LYN: variants seen among roughly 807,000 people sequenced by gnomAD.
LYN encodes the protein tyrosine-protein kinase Lyn.
In LYN, 12 loss-of-function variants were observed where a neutral mutation model predicts 65.0. The observed-to-expected ratio is 0.18, with a 90% CI of 0.12 to 0.30. The LOEUF (loss-of-function observed/expected upper bound fraction) is 0.30. Ranked by LOEUF, LYN falls within the 10% of genes least tolerant of loss-of-function variation. LYN has a pLI of 1.00. For missense variants in LYN, 380 were observed against 623.2 expected, an observed-to-expected ratio of 0.61 and a Z score of 4.16; for synonymous variants, 222 against 221.2, an observed-to-expected ratio of 1.00 and a Z score of -0.03.
At chr8:55,945,426 G>A (rs1806744160) in intron 2 of LYN, among the ~76,000 whole-genome samples, 2 of 152,204 alleles carry the variant, frequency 1.3e-5, no homozygotes, top group African/African-American at 4.8e-5. Flanking sequence ...ATAGTATGCA[G>A]CCATGGGTTT....
intron 1 of LYN, among the ~76,000 whole-genome samples, chr8:55,904,552 T>A (rs1382784793): frequency 6.6e-6 from 1 of 152,120 alleles, no homozygotes; most frequent in African/African-American, 2.4e-5. Context: ...CACAAAATAA[T>A]TTCTGTATGT....
chr8:55,949,352 C>A (rs1471078455), intron 4 of LYN, among the ~76,000 whole-genome samples: 2 of 152,212 alleles, frequency 1.3e-5, no homozygotes, highest in African/African-American at 4.8e-5. Context: ...CACCCCTGAT[C>A]GCAGTGATGC....
intron 1 of LYN, among the ~76,000 whole-genome samples, chr8:55,904,582 AC>A (rs1805368786): frequency 6.6e-6 from 1 of 152,084 alleles, no homozygotes; most frequent in Admixed American, 6.6e-5. Context: ...CAGATCATGC[AC>A]CTATAAAAGA....
At chr8:55,890,646 A>G (rs979851539) in intron 1 of LYN, among the ~76,000 whole-genome samples, 1 of 152,244 alleles carries the variant, frequency 6.6e-6, no homozygotes, top group African/African-American at 2.4e-5. Flanking sequence ...TCATAGTAGC[A>G]TTATTCACAA....
At chr8:55,967,359 G>A (rs920948546) in intron 9 of LYN, among the ~76,000 whole-genome samples, 2 of 143,096 alleles carry the variant, frequency 1.4e-5, no homozygotes, top group Admixed American at 7.2e-5. Context: ...CTGTTGCCCG[G>A]GCTGGAGTGC....
rs1011430857 is a variant in LYN, at chr8:56,011,270, T to C, written c.*1160T>C. ...TTCTGTTCACTAAATTTTTCTCCTG[T>C]AAGCTTTGAATGGAAACTTCTGTAT... On this transcript the variant is annotated 3_prime_UTR_variant, in exon 13 of 13. Transcript: ENST00000519728. 6.6e-5 allele frequency: 15 copies of C among 226,300 alleles called. No individual in the cohort carries two copies. The highest frequency in any genetic ancestry group is 1.3e-4 in the Non-Finnish European group (15 of 113,808). The allele number at this position is 226,300 out of a possible 1,614,324, so 14.0% of individuals were successfully genotyped here.
chr8:55,995,713 C>T (rs1486235840), intron 10 of LYN, among the ~76,000 whole-genome samples: 2 of 151,950 alleles, frequency 1.3e-5, no homozygotes, highest in African/African-American at 4.8e-5. Context: ...GAGCGTTCCA[C>T]ACAGAGGCAG....
Position 55,911,130 on chromosome 8 carries a change from CAT to C in LYN, c.-5-30723_-5-30722del, listed in dbSNP as rs1805598540. Among the ~76,000 whole-genome samples the C allele has an allele frequency of 1.1e-3, 6 of 5,222 alleles. 1 individual carries two copies. Among genetic ancestry groups the C allele is most frequent in the Admixed American group, 3.1e-3 (1 of 322 alleles). The allele number at this position is 5,222 out of a possible 152,430, so 3.4% of individuals were successfully genotyped here. A position where few individuals can be genotyped will look rare whatever the true frequency, so the allele number is the denominator to read the frequency against. On this transcript the variant is annotated intron_variant, in intron 1 of 12. Transcript: ENST00000519728. ...ACGTATATATACGTATATATATACACATACATATATATACGTGTATATATATG... is the reference window on the plus strand; with the variant it reads ...ACGTATATATACGTATATATATACACACATATATATACGTGTATATATATG...
At chr8:55,988,291 GGTGTGTGTGTGTGT>G (rs57413136) in intron 10 of LYN, among the ~76,000 whole-genome samples, 41 of 142,186 alleles carry the variant, frequency 2.9e-4, no homozygotes, top group Middle Eastern at 3.6e-3. Flanking sequence ...CAAACTCCCT[GGTGTGTGTGTGTGT>G]GTGTGTGTGT....
chr8:55,983,429 C>T (rs1182758603), intron 10 of LYN, among the ~76,000 whole-genome samples: 1 of 152,212 alleles, frequency 6.6e-6, no homozygotes, highest in Non-Finnish European at 1.5e-5. Flanking sequence ...GTAAAGCCTT[C>T]ACTTTCCCCT....
Position 55,946,472 on chromosome 8 carries a change from G to A in LYN, c.157G>A (p.Gly53Arg). 1 of 1,610,304 alleles carries A rather than the reference G, an allele frequency of 6.2e-7. No homozygotes were observed. The highest frequency in any genetic ancestry group is 8.5e-7 in the Non-Finnish European group (1 of 1,177,570). ...GGTTCCAGAATCTCAGCTTTTACCT[G>A]GACAGAGGTTTCAAACTAAAGGTAT... ...RPVPESQLLP[G>R]QRFQTKDPEE... The change falls in exon 3 of 13, where the codon GGA (glycine) becomes AGA (arginine). Residue 53 changes from glycine (G) to arginine (R), a missense_variant. Coordinates refer to ENST00000519728, the MANE Select transcript of LYN (RefSeq NM_002350.4).
chr8:55,941,200 C>T (rs1037344076), intron 1 of LYN, among the ~76,000 whole-genome samples: 2 of 152,160 alleles, frequency 1.3e-5, no homozygotes, highest in Non-Finnish European at 2.9e-5. Context: ...TTGCACACTG[C>T]AGATTGGATG....
At chr8:55,933,372 C>T (rs982574866) in intron 1 of LYN, among the ~76,000 whole-genome samples, 1 of 152,178 alleles carries the variant, frequency 6.6e-6, no homozygotes, top group Non-Finnish European at 1.5e-5. Flanking sequence ...TATAATTTGA[C>T]AAACAAGCCT....
intron 8 of LYN, among the ~76,000 whole-genome samples, chr8:55,954,226 A>G (rs1807038009): frequency 6.6e-6 from 1 of 152,138 alleles, no homozygotes; most frequent in Non-Finnish European, 1.5e-5. Flanking sequence ...AGTAATGGGT[A>G]TTTATCTTGA....
intron 3 of LYN, among the ~76,000 whole-genome samples, chr8:55,947,388 T>G (rs1242049980): frequency 6.6e-6 from 1 of 152,220 alleles, no homozygotes; most frequent in Non-Finnish European, 1.5e-5. Flanking sequence ...TAGAGTTGTA[T>G]TTATAGTTTT....
chr8:55,930,512 C>A (rs62515384), intron 1 of LYN, among the ~76,000 whole-genome samples: 45 of 152,256 alleles, frequency 3.0e-4, no homozygotes, highest in Non-Finnish European at 5.6e-4. Context: ...CTTTGAATGT[C>A]CCCTTCTGGT....
At chr8:55,991,321 TTC>T (rs1808241623) in intron 10 of LYN, among the ~76,000 whole-genome samples, 1 of 152,292 alleles carries the variant, frequency 6.6e-6, no homozygotes, top group African/African-American at 2.4e-5. Flanking sequence ...ACTTCTCTCT[TTC>T]TCTGGTCCAC....
intron 8 of LYN, among the ~76,000 whole-genome samples, chr8:55,963,974 T>G (rs1807365578): frequency 6.6e-6 from 1 of 152,206 alleles, no homozygotes; most frequent in African/African-American, 2.4e-5. Context: ...CTTTTTGATT[T>G]AAATGTAATA....
intron 8 of LYN, among the ~76,000 whole-genome samples, chr8:55,964,359 C>T (rs549875059): frequency 9.2e-5 from 14 of 152,106 alleles, no homozygotes; most frequent in African/African-American, 3.1e-4. Flanking sequence ...TGTCTAGCCT[C>T]ATTTTTCTAT....
Sources: gnomAD v4.1 joint callset for allele counts (sites outside exome capture counted in the v4.1 genomes callset) on GRCh38, gnomAD v4.1.1 for gene constraint, MANE v1.5 for transcripts, NCBI Gene and HGNC (gene_info 2026-07-23, HGNC 2026-07-21) for gene names.